MYH10: variants seen among roughly 807,000 people sequenced by gnomAD.
MYH10 encodes the protein myosin-10.
Under a neutral mutation model 257.8 loss-of-function variants are expected in MYH10, and 55 were observed. That is an observed-to-expected ratio of 0.21 (90% CI 0.17 to 0.27). The LOEUF (loss-of-function observed/expected upper bound fraction) is 0.27, where lower values mean the gene tolerates loss of function less well. Ranked by LOEUF, MYH10 falls within the 10% of genes least tolerant of loss-of-function variation. MYH10 has a pLI of 1.00. For synonymous variants in MYH10, 854 were observed against 921.7 expected (o/e 0.93, Z 1.33); for missense variants, 1,631 against 2,500.6 (o/e 0.65, Z 7.42).
intron 2 of MYH10, among the ~76,000 whole-genome samples, chr17:8,617,560 G>A (rs2085314983): frequency 6.6e-6 from 1 of 152,124 alleles, no homozygotes; most frequent in Non-Finnish European, 1.5e-5. Context: ...ATCTAGAAAA[G>A]CTGAAGATAT....
chr17:8,592,574 A>T lies in MYH10; in HGVS notation c.503-3466T>A, dbSNP rs2084188425. On this transcript the variant is annotated intron_variant, in intron 3 of 42. Transcript: ENST00000360416. ...ATGAAAGGGATAAATTATTTAAAAG[A>T]CACAACCACTAAAACTCACTCAAGA... Among the ~76,000 whole-genome samples the T allele has an allele frequency of 2.0e-5, 3 of 151,942 alleles. No individual in the cohort carries two copies. The South Asian group carries it at 6.2e-4, about 32-fold the overall frequency.
intron 7 of MYH10, chr17:8,561,261 C>A (rs778650917): frequency 4.6e-5 from 45 of 973,626 alleles, no homozygotes; most frequent in Non-Finnish European, 7.4e-5. Flanking sequence ...AAAGGTCGTG[C>A]TGAAAAGGGC....
At chr17:8,529,964 A>G (rs2081963974) in intron 17 of MYH10, among the ~76,000 whole-genome samples, 1 of 152,198 alleles carries the variant, frequency 6.6e-6, no homozygotes, top group Non-Finnish European at 1.5e-5. Context: ...TTGGAGCTCA[A>G]TTTAAGGTTC....
intron 24 of MYH10, among the ~76,000 whole-genome samples, chr17:8,512,020 A>C (rs903059402): frequency 3.3e-5 from 5 of 152,254 alleles, no homozygotes; most frequent in African/African-American, 1.2e-4. Flanking sequence ...ATTTTTAAAA[A>C]TTCTCATTCT....
intron 35 of MYH10, among the ~76,000 whole-genome samples, chr17:8,488,186 T>C (rs2041319669): frequency 6.6e-6 from 1 of 152,030 alleles, no homozygotes; most frequent in South Asian, 2.1e-4. Flanking sequence ...GAAACCGAGG[T>C]GGACACACCT....
intron 11 of MYH10, among the ~76,000 whole-genome samples, chr17:8,547,193 G>A (rs527438021): frequency 6.6e-6 from 1 of 152,222 alleles, no homozygotes; most frequent in Admixed American, 6.5e-5. Flanking sequence ...GGGACTACAT[G>A]GCCACTATGC....
Position 8,490,535 on chromosome 17 carries a change from T to G in MYH10, c.4689A>C (p.Lys1563Asn), listed in dbSNP as rs1354727832. The change falls in exon 35 of 43, where the codon AAA (lysine) becomes AAC (asparagine). Residue 1563 changes from lysine (K) to asparagine (N), a missense_variant. By Grantham distance (94) the Lys-to-Asn change is moderately conservative (BLOSUM62 0). This residue lies in a region of MYH10 where 463 missense variants were observed against 621.8 expected (regional missense o/e 0.74). Transcript: ENST00000360416. The surrounding 1 kb of genome is among the most constrained non-coding windows in gnomAD (Gnocchi z 4.1). The part of the protein sequence containing the change: ...DVGKNVHELE[K>N]SKRALEQQVE... Reference sequence around the variant, plus strand: ...CCTGCTGCTCTAGGGCCCGTTTGGATTTTTCAAGTTCGTGAACCTAAACCA... The same window carrying G: ...CCTGCTGCTCTAGGGCCCGTTTGGAGTTTTCAAGTTCGTGAACCTAAACCA... 3 of 1,614,138 alleles carry G rather than the reference T, an allele frequency of 1.9e-6. No homozygotes were observed. Among genetic ancestry groups the G allele is most frequent in the South Asian group, 2.2e-5 (2 of 91,084 alleles).
rs2082128204 is a variant in MYH10, at chr17:8,535,961, A to G, written c.1606-30T>C. The G allele has an allele frequency of 1.3e-6, 2 of 1,598,338 alleles. No homozygotes were observed. Among genetic ancestry groups the G allele is most frequent in the Non-Finnish European group, 1.7e-6 (2 of 1,169,640 alleles). ...TAATGACAGGCAATAAGAATTCACA[A>G]GTTTTGCATGCCACTTTAATACTAC... On this transcript the variant is annotated intron_variant, in intron 14 of 42. Transcript: ENST00000360416. The surrounding 1 kb of genome is among the most constrained non-coding windows in gnomAD (Gnocchi z 4.3).
chr17:8,627,911 C>T (rs922986646), intron 1 of MYH10, among the ~76,000 whole-genome samples: 3 of 152,326 alleles, frequency 2.0e-5, no homozygotes, highest in Non-Finnish European at 4.4e-5. Context: ...AGCCAATAAC[C>T]AGCCCAAGGG....
At chr17:8,489,708 A>AAACACACACACACACACAC in intron 35 of MYH10, among the ~76,000 whole-genome samples, 1 of 93,146 alleles carries the variant, frequency 1.1e-5, no homozygotes, top group South Asian at 3.5e-4. Context: ...CGTCTGAAAA[A>AAACACACACACACACACAC]ACACACACAC....
intron 40 of MYH10, 79 bp downstream of exon 40, chr17:8,480,031 C>T (rs1326614186): frequency 2.1e-6 from 3 of 1,455,694 alleles, no homozygotes; most frequent in Non-Finnish European, 2.8e-6. Context: ...GGGGAGCCCC[C>T]CCGAAAGGGG....
intron 4 of MYH10, among the ~76,000 whole-genome samples, chr17:8,581,528 C>T (rs1212040829): frequency 1.3e-5 from 2 of 152,072 alleles, no homozygotes; most frequent in Non-Finnish European, 2.9e-5. Flanking sequence ...TCAACAATTG[C>T]TTATGAGCTG....
chr17:8,510,781 C>A (rs961783331), intron 24 of MYH10, among the ~76,000 whole-genome samples: 5 of 151,936 alleles, frequency 3.3e-5, no homozygotes, highest in Non-Finnish European at 5.9e-5. Context: ...TAGTACAGGT[C>A]GTGAGAAATG....
At chr17:8,548,241 G>A in intron 11 of MYH10, 72 bp downstream of exon 11, 1 of 1,163,744 alleles carries the variant, frequency 8.6e-7, no homozygotes, top group Non-Finnish European at 1.2e-6. Flanking sequence ...TTTTACGCTT[G>A]CACTGTAACA....
chr17:8,550,070 T>C (rs1191050503), intron 9 of MYH10, among the ~76,000 whole-genome samples: 4 of 150,362 alleles, frequency 2.7e-5, no homozygotes, highest in South Asian at 4.3e-4. Context: ...TGCCTTGGCC[T>C]CCCAAAGTGC....
intron 3 of MYH10, among the ~76,000 whole-genome samples, chr17:8,602,722 G>GTGTC (rs1317584238): frequency 1.3e-5 from 2 of 152,166 alleles, no homozygotes; most frequent in African/African-American, 4.8e-5. Context: ...GGATAAGAAT[G>GTGTC]TGTCACACTG....
chr17:8,513,614 T>C lies in MYH10; in HGVS notation c.2669A>G (p.Glu890Gly). ...CTTCTCCTTCACCTTCAACAGCTCT[T>C]CATCTTTGGCCTGAAGTTCTTCCTC... ...RQEEELQAKD[E>G]ELLKVKEKQT... The change falls in exon 23 of 43, where the codon GAA (glutamate) becomes GGA (glycine). Residue 890 changes from glutamate to glycine, a missense_variant. This residue lies in a region of MYH10 where 116 missense variants were observed against 221.6 expected (regional missense o/e 0.52). Coordinates refer to ENST00000360416, the MANE Select transcript of MYH10 (RefSeq NM_001256012.3). The C allele has an allele frequency of 6.2e-7, 1 of 1,614,190 alleles. No homozygotes were observed. Among genetic ancestry groups the C allele is most frequent in the Non-Finnish European group, 8.5e-7 (1 of 1,180,040 alleles).
At position 8,495,127 on chromosome 17, in the gene MYH10, C is replaced by T. The variant is rs750326595; in HGVS notation, c.4056+10G>A. 1 of 1,526,148 alleles carries T rather than the reference C, an allele frequency of 6.6e-7. No homozygotes were observed. Among genetic ancestry groups the T allele is most frequent in the Admixed American group, 1.7e-5 (1 of 59,850 alleles). 94.5% of individuals were successfully genotyped at this position (1,526,148 alleles called of 1,614,324 possible). ...GTTATTATAAAGACCCCTTGCTCCC[C>T]AGGGAATACCTGTGTATCCTGTAGT... On this transcript the variant is annotated intron_variant, in intron 31 of 42. Coordinates refer to ENST00000360416, the MANE Select transcript of MYH10 (RefSeq NM_001256012.3).
At chr17:8,519,715 C>T (rs1364226847) in intron 19 of MYH10, among the ~76,000 whole-genome samples, 1 of 151,996 alleles carries the variant, frequency 6.6e-6, no homozygotes, top group Non-Finnish European at 1.5e-5. Context: ...CTATCTGGAA[C>T]AGTGGGAGAA....
Sources: allele counts gnomAD v4.1 joint callset (sites outside exome capture counted in the v4.1 genomes callset), GRCh38; gene constraint gnomAD v4.1.1; regional missense constraint gnomAD v4.1.1; non-coding constraint Gnocchi (gnomAD v3.1); transcripts MANE v1.5; gene names NCBI Gene and HGNC (gene_info 2026-07-23, HGNC 2026-07-21).